MAMDC4: variants seen among roughly 807,000 people sequenced by gnomAD.
MAMDC4 encodes apical endosomal glycoprotein.
Under a neutral mutation model 153.3 loss-of-function variants are expected in MAMDC4, and 168 were observed. The ratio of observed to expected loss-of-function variants is 1.10; its 90% confidence interval spans 0.97 to 1.25. The LOEUF (loss-of-function observed/expected upper bound fraction) is 1.25, where lower values mean the gene tolerates loss of function less well. MAMDC4 is among the 50% of genes most tolerant of loss of function. The pLI, the probability that MAMDC4 is intolerant of heterozygous loss-of-function variation, is 0.00. For synonymous variants in MAMDC4, 744 were observed against 651.5 expected (o/e 1.14, Z -2.16); for missense variants, 1,701 against 1,542.8 (o/e 1.10, Z -1.72).
rs1849017953 is a variant in MAMDC4, at chr9:136,857,175, C to T, written c.1983C>T (p.Arg661=). 3 of 1,612,518 alleles carry T rather than the reference C, an allele frequency of 1.9e-6. No homozygotes were observed. Among genetic ancestry groups the T allele is most frequent in the Non-Finnish European group, 2.5e-6 (3 of 1,179,866 alleles). ...GTCCCCTCCCTGCAGGGACTCTGCG[C>T]CTAGCCATGAGACGGGAAGGGGAGG... The part of the protein sequence containing the change: ...HLHGPQIGTL[R]LAMRREGEET... Residue 661 remains arginine, a synonymous_variant, in exon 17 of 27, where the codon CGC becomes CGT. Transcript: ENST00000317446.
chr9:136,854,761 G>C lies in MAMDC4; in HGVS notation c.935-1G>C, dbSNP rs754643631. 6.2e-7 allele frequency: 1 copy of C among 1,612,776 alleles called. No individual in the cohort carries two copies. Among genetic ancestry groups the C allele is most frequent in the Non-Finnish European group, 8.5e-7 (1 of 1,179,884 alleles). On this transcript the variant is annotated splice_acceptor_variant, in intron 8 of 26. Transcript: ENST00000317446. LOFTEE classifies it high-confidence loss of function. ...TGGCCCACTCCCGTCCTTTCCCGCA[G>C]GCTCCTTCCTGGTCTCCGTGGCCGA...
rs1469824725 is a variant in MAMDC4 at position 136,853,643 on chromosome 9, A to G, written c.427A>G (p.Arg143Gly). The G allele has an allele frequency of 1.9e-6, 3 of 1,540,696 alleles. No individual in the cohort carries two copies. The South Asian group carries it at 3.3e-5, about 17-fold the overall frequency. The change falls in exon 4 of 27, where the codon AGG (arginine) becomes GGG (glycine). Residue 143 changes from arginine (R) to glycine (G), a missense_variant. Coordinates refer to ENST00000317446, the MANE Select transcript of MAMDC4 (RefSeq NM_206920.3). Reference sequence around the variant, plus strand: ...AGAGGCAGCCTCCTCTTGCAAGCTGAGGCTCTGGTACCACGCGGCCTCTGG... The same window carrying G: ...AGAGGCAGCCTCCTCTTGCAAGCTGGGGCTCTGGTACCACGCGGCCTCTGG... ...LREAASSCKL[R>G]LWYHAASGDV... is the part of the protein sequence containing the mutation.
At position 136,860,080 on chromosome 9, in the gene MAMDC4, G is replaced by C. The variant is rs759696161; in HGVS notation, c.3372+16G>C. ...TTTCAATGCGGTAGGAGCCCCTGGGGATGGGTGGGCAGGAGCCTCTGTGCT... is the reference window on the plus strand; with the variant it reads ...TTTCAATGCGGTAGGAGCCCCTGGGCATGGGTGGGCAGGAGCCTCTGTGCT... On this transcript the variant is annotated intron_variant, in intron 26 of 26. Coordinates refer to ENST00000317446, the MANE Select transcript of MAMDC4 (RefSeq NM_206920.3). 1.3e-6 allele frequency: 2 copies of C among 1,540,514 alleles called. No homozygotes were observed.
rs1588394143 is a variant in MAMDC4, at chr9:136,857,779, G to A, written c.2447G>A (p.Gly816Glu). ...QPACLTFWYH[G>E]SLRSPGTLRV... ...GCTTGTCTGACCTTCTGGTACCACG[G>A]GAGCCTCCGCAGCCCAGGTGAGGGG... Residue 816 changes from glycine (G) to glutamate (E), a missense_variant, in exon 19 of 27, where the codon GGG becomes GAG. Coordinates refer to ENST00000317446, the MANE Select transcript of MAMDC4 (RefSeq NM_206920.3). 6.2e-7 allele frequency: 1 copy of A among 1,612,328 alleles called. No individual in the cohort carries two copies. The highest frequency in any genetic ancestry group is 1.3e-5 in the African/African-American group (1 of 74,922).
chr9:136,858,159 G>T, intron 20 of MAMDC4, 27 bp from the exon 21 acceptor site: 1 of 1,554,186 alleles, frequency 6.4e-7, no homozygotes, highest in Non-Finnish European at 8.7e-7. Flanking sequence ...TGGACCCGCT[G>T]AGGCTGCCCT....
Position 136,854,534 on chromosome 9 carries a change from C to A in MAMDC4, c.797-5C>A. The A allele has an allele frequency of 6.2e-7, 1 of 1,602,332 alleles. No individual in the cohort carries two copies. ...TGGCCCTGACACGCCCACCTCCTGC[C>A]CTAGGCCGCCACATAGCCACCGACT... On this transcript the variant is annotated splice_region_variant and splice_polypyrimidine_tract_variant and intron_variant, in intron 7 of 26. Transcript: ENST00000317446.
intron 13 of MAMDC4, 59 bp from the exon 14 acceptor site, chr9:136,855,959 G>C: frequency 6.4e-7 from 1 of 1,567,320 alleles, no homozygotes; most frequent in East Asian, 2.3e-5. Context: ...GGGGATCCCT[G>C]AGGGACAGAG....
At chr9:136,855,918 C>G (rs1162773919) in intron 13 of MAMDC4, 70 bp downstream of exon 13, 3 of 1,511,798 alleles carry the variant, frequency 2.0e-6, no homozygotes, top group Non-Finnish European at 2.7e-6. Flanking sequence ...GGTCTCTGCT[C>G]TGCCTCTGCA....
At chr9:136,859,655 T>G in intron 25 of MAMDC4, 1 of 602,084 alleles carries the variant, frequency 1.7e-6, no homozygotes, top group Non-Finnish European at 2.9e-6. Context: ...TCTCACTTGG[T>G]GAGGGAAAGA....
rs201541517 is a variant in MAMDC4, at chr9:136,853,313, C to T, written c.183C>T (p.Gly61=). The T allele has an allele frequency of 5.0e-6, 8 of 1,601,816 alleles. No homozygotes were observed. The highest frequency in any genetic ancestry group is 1.1e-5 in the South Asian group (1 of 90,208). Residue 61 remains glycine (G), a synonymous_variant, in exon 3 of 27, where the codon GGC becomes GGT. Transcript: ENST00000317446. ...CGYHGASPTL[G]APFACDFEQD... is the part of the protein sequence containing the mutation. The stretch of plus-strand genomic sequence containing the variant: ...ACCACGGGGCCTCGCCCACCCTGGG[C>T]GCCCCCTTCGCCTGTGACTTCGAGC...
At position 136,854,810 on chromosome 9, in the gene MAMDC4, C is replaced by A. The variant is rs1217910587; in HGVS notation, c.983C>A (p.Ser328Tyr). The A allele has an allele frequency of 6.2e-7, 1 of 1,612,746 alleles. No homozygotes were observed. The highest frequency in any genetic ancestry group is 8.5e-7 in the Non-Finnish European group (1 of 1,179,892). The change falls in exon 9 of 27, where the codon TCC becomes TAC. Residue 328 changes from serine to tyrosine, a missense_variant. Transcript: ENST00000317446. ...VAEPGTPAIL[S>Y]SPEFQASGTS... ...GAGCCTGGCACCCCTGCTATACTCT[C>A]CAGCCCCGAATTCCAAGCCTCAGGC...
chr9:136,856,623 C>A, intron 14 of MAMDC4, 87 bp from the exon 15 acceptor site: 1 of 1,312,742 alleles, frequency 7.6e-7, no homozygotes, highest in South Asian at 1.2e-5. Context: ...CCCTTACACT[C>A]CTCCAGGGAC....
chr9:136,860,555 C>A lies in MAMDC4; in HGVS notation c.3373-7C>A. 1 of 1,611,810 alleles carries A rather than the reference C, an allele frequency of 6.2e-7. No homozygotes were observed. Among genetic ancestry groups the A allele is most frequent in the Non-Finnish European group, 8.5e-7 (1 of 1,179,706 alleles). ...AAGAAAAAAAAAGCTCCTCTTCCTC[C>A]TCCTAGGATGGTGTCACCCTCCCGG... On this transcript the variant is annotated splice_polypyrimidine_tract_variant and splice_region_variant and intron_variant, in intron 26 of 26. Transcript: ENST00000317446.
chr9:136,852,365 A>G lies in MAMDC4; in HGVS notation c.-52A>G. On this transcript the variant is annotated 5_prime_UTR_variant, in exon 1 of 27. Coordinates refer to ENST00000317446, the MANE Select transcript of MAMDC4 (RefSeq NM_206920.3). ...GGGGCCAGCGCAGGCTGATAACCGCACGGAACTTCCCAGGCACCCTGTGTG... is the reference window on the plus strand; with the variant it reads ...GGGGCCAGCGCAGGCTGATAACCGCGCGGAACTTCCCAGGCACCCTGTGTG... 6.2e-7 allele frequency: 1 copy of G among 1,601,648 alleles called. No individual in the cohort carries two copies. Among genetic ancestry groups the G allele is most frequent in the Non-Finnish European group, 8.5e-7 (1 of 1,177,384 alleles).
At position 136,856,138 on chromosome 9, in the gene MAMDC4, G is replaced by A. The variant is rs540472371; in HGVS notation, c.1709G>A (p.Ser570Asn). The change falls in exon 14 of 27, where the codon AGC (serine) becomes AAC (asparagine). Residue 570 changes from serine to asparagine, a missense_variant. Ser to Asn is a conservative substitution (Grantham distance 46). Coordinates refer to ENST00000317446, the MANE Select transcript of MAMDC4 (RefSeq NM_206920.3). ...CTCCACCTGGCTTATTATTTACAGA[G>A]CCAGCCCCGAGGTACCGCCACACTC... ...CELHLAYYLQSQPREVSCNFE... is the reference protein window; with the variant it reads ...CELHLAYYLQNQPREVSCNFE... 2 of 1,612,232 alleles carry A rather than the reference G, an allele frequency of 1.2e-6. No individual in the cohort carries two copies. Among genetic ancestry groups the A allele is most frequent in the Non-Finnish European group, 8.5e-7 (1 of 1,179,736 alleles).
At chr9:136,857,105 C>T (rs1849016878) in intron 16 of MAMDC4, 60 bp from the exon 17 acceptor site, 1 of 1,604,676 alleles carries the variant, frequency 6.2e-7, no homozygotes, top group Admixed American at 1.7e-5. Context: ...GAGTCCCCCG[C>T]TCTGACACCC....
chr9:136,859,017 T>C lies in MAMDC4; in HGVS notation c.2969T>C (p.Leu990Pro). The change falls in exon 24 of 27, where the codon CTG (leucine) becomes CCG (proline). Residue 990 changes from leucine to proline, a missense_variant. By Grantham distance (98) the Leu-to-Pro change is moderately conservative. Coordinates refer to ENST00000317446, the MANE Select transcript of MAMDC4 (RefSeq NM_206920.3). ...GCCCTGCTCTCAGACAAGGGGGAGC[T>C]GAAGGTACTGCTGCACAGTGCTCAG... ...GFPEHFYKGE[L>P]KVLLHSAQGQ... The C allele has an allele frequency of 2.6e-6, 4 of 1,530,312 alleles. No homozygotes were observed. The highest frequency in any genetic ancestry group is 2.1e-5 in the Admixed American group (1 of 47,854). 94.8% of individuals were successfully genotyped at this position (1,530,312 alleles called of 1,614,324 possible).
Position 136,859,018 on chromosome 9 carries a change from G to A in MAMDC4, c.2970G>A (p.Leu990=). 3 of 1,531,640 alleles carry A rather than the reference G, an allele frequency of 2.0e-6. No homozygotes were observed. The highest frequency in any genetic ancestry group is 1.8e-6 in the Non-Finnish European group (2 of 1,135,558). 94.9% of individuals were successfully genotyped at this position (1,531,640 alleles called of 1,614,324 possible). The part of the protein sequence containing the change: ...GFPEHFYKGE[L]KVLLHSAQGQ... ...CCCTGCTCTCAGACAAGGGGGAGCT[G>A]AAGGTACTGCTGCACAGTGCTCAGG... Residue 990 remains leucine (L), a synonymous_variant, in exon 24 of 27, where the codon CTG becomes CTA. Coordinates refer to ENST00000317446, the MANE Select transcript of MAMDC4 (RefSeq NM_206920.3).
rs1051130869 is a variant in MAMDC4 at position 136,855,168 on chromosome 9, A to G, written c.1197+58A>G. The G allele has an allele frequency of 2.0e-4, 319 of 1,570,860 alleles. 1 individual carries two copies. Among genetic ancestry groups the G allele is most frequent in the South Asian group, 8.3e-4 (72 of 86,480 alleles). ...GCCGCACTGTGGGCAGGGGAGGGGA[A>G]CCCACAAGGTACCCACTGCGGGTGG... On this transcript the variant is annotated intron_variant, in intron 10 of 26. Coordinates refer to ENST00000317446, the MANE Select transcript of MAMDC4 (RefSeq NM_206920.3).
Sources: gnomAD v4.1 joint callset for allele counts on GRCh38, gnomAD v4.1.1 for gene constraint, MANE v1.5 for transcripts, NCBI Gene and HGNC (gene_info 2026-07-23, HGNC 2026-07-21) for gene names.